Variants in USP35 observed in about 807,000 individuals in gnomAD.
The protein encoded by USP35 is ubiquitin specific peptidase 35.
Under a neutral mutation model 83.8 loss-of-function variants are expected in USP35, and 69 were observed. The ratio of observed to expected loss-of-function variants is 0.82; its 90% CI spans 0.68 to 1.01. The LOEUF is 1.01. Ranked by LOEUF, USP35 falls within the 50% of genes least tolerant of loss-of-function variation. USP35 has a pLI of 0.00. For synonymous variants in USP35, 714 were observed against 589.5 expected (o/e 1.21, Z -3.06); for missense variants, 1,503 against 1,362.5 (o/e 1.10, Z -1.62).
At chr11:78,219,498 T>C (rs1864311418), downstream of USP35, 1 of 1,294,448 alleles carries the variant, frequency 7.7e-7, no homozygotes, top group Non-Finnish European at 1.1e-6. Context: ...GGGATCTTCC[T>C]GAGCTGTCTG....
chr11:78,213,569 G>A, intron 10 of USP35, 77 bp from the exon 11 acceptor site: 3 of 1,400,784 alleles, frequency 2.1e-6, no homozygotes, highest in African/African-American at 1.5e-5. Context: ...ACATTGAAAG[G>A]TGTTGTGCTG....
chr11:78,234,138 T>G, the USP35 span, among the ~76,000 whole-genome samples: 1 of 152,196 alleles, frequency 6.6e-6, no homozygotes, highest in Non-Finnish European at 1.5e-5. Context: ...TGGAGTGCAA[T>G]GGAATGATCT....
At chr11:78,205,158 G>A (rs1863492386) in intron 6 of USP35, among the ~76,000 whole-genome samples, 2 of 152,230 alleles carry the variant, frequency 1.3e-5, no homozygotes, top group Admixed American at 1.3e-4. Flanking sequence ...CAGATAATGA[G>A]TGGGAAGCAT....
rs1263038347 is a variant in USP35 at position 78,208,887 on chromosome 11, T to C, written c.1516T>C (p.Ser506Pro). 1 of 1,614,178 alleles carries C rather than the reference T, an allele frequency of 6.2e-7. No individual in the cohort carries two copies. The highest frequency in any genetic ancestry group is 1.3e-5 in the African/African-American group (1 of 75,032). ...TGCCATTTCCCCAGAGAACTTCCTC[T>C]CCGCATCCTGGACGCCCTGGTTCAG... ...RPAISPENFL[S>P]ASWTPWFSPG... is the part of the protein sequence containing the mutation. Residue 506 changes from serine to proline, a missense_variant, in exon 9 of 11, where the codon TCC (serine) becomes CCC (proline). Coordinates refer to ENST00000529308, the MANE Select transcript of USP35 (RefSeq NM_020798.4).
chr11:78,207,281 G>A, intron 7 of USP35: 1 of 433,350 alleles, frequency 2.3e-6, no homozygotes. Context: ...GCTGGAAGGG[G>A]CTACAAGGGT....
At chr11:78,227,004 C>T in the USP35 span, 2 of 1,613,292 alleles carry the variant, frequency 1.2e-6, no homozygotes, top group African/African-American at 2.7e-5. Flanking sequence ...AGCTGTGTCA[C>T]TCCTCATGAG....
the USP35 span, among the ~76,000 whole-genome samples, chr11:78,231,336 GGTGTGTGTGT>G: frequency 2.7e-5 from 4 of 145,898 alleles, no homozygotes; most frequent in Non-Finnish European, 4.5e-5. Flanking sequence ...GCGCGTGTGT[GGTGTGTGTGT>G]GTGTGTGTGT....
At chr11:78,235,499 T>C in the USP35 span, among the ~76,000 whole-genome samples, 2 of 152,248 alleles carry the variant, frequency 1.3e-5, no homozygotes, top group South Asian at 4.1e-4. Context: ...TTTCCGAACA[T>C]TTATGCTCTG....
At chr11:78,225,957 G>GTAAA in the USP35 span, among the ~76,000 whole-genome samples, 1 of 152,192 alleles carries the variant, frequency 6.6e-6, no homozygotes, top group African/African-American at 2.4e-5. Flanking sequence ...ACTCTCAGTG[G>GTAAA]AAAACAAGTA....
At position 78,213,975 on chromosome 11, in the gene USP35, T is replaced by TAAGA. The variant is rs1383727603; in HGVS notation, c.*163_*166dup. The TAAGA allele has an allele frequency of 3.1e-5, 23 of 738,378 alleles. No homozygotes were observed. The highest frequency in any genetic ancestry group is 4.0e-4 in the Middle Eastern group (1 of 2,526). 45.7% of individuals were successfully genotyped at this position (738,378 alleles called of 1,614,324 possible). On this transcript the variant is annotated 3_prime_UTR_variant, in exon 11 of 11. Transcript: ENST00000529308. ...ACAGAGATTCTCTCAGATATGGAAG[T>TAAGA]AAGACCTAAGTCCCTTTCATTGGGG...
Position 78,196,194 on chromosome 11 carries a change from C to T in USP35, c.-10-42C>T, listed in dbSNP as rs879578710. 1.7e-4 allele frequency: 260 copies of T among 1,536,568 alleles called. No homozygotes were observed. Among genetic ancestry groups the T allele is most frequent in the Admixed American group, 2.6e-4 (13 of 50,514 alleles). ...GGACTGCACCGGGAACTCTTGAGCC[C>T]CGCGGTTGTCGGGCTGTGACCTCAT... On this transcript the variant is annotated intron_variant, in intron 1 of 10. Transcript: ENST00000529308. The surrounding 1 kb of genome is among the most constrained non-coding windows in gnomAD (Gnocchi z 4.8).
At position 78,196,416 on chromosome 11, in the gene USP35, G is replaced by A; in HGVS notation, c.171G>A (p.Pro57=). Residue 57 remains proline (P), a synonymous_variant, in exon 2 of 11, where the codon CCG becomes CCA. Coordinates refer to ENST00000529308, the MANE Select transcript of USP35 (RefSeq NM_020798.4). The surrounding 1 kb of genome is among the most constrained non-coding windows in gnomAD (Gnocchi z 4.8). ...RLYVGGAEEL[P]RRVGCQLLHV... ...ACGTGGGCGGCGCGGAGGAGCTGCC[G>A]CGCCGCGTGGGCTGCCAGCTGCTGC... The A allele has an allele frequency of 7.7e-7, 1 of 1,300,622 alleles. No individual in the cohort carries two copies. The highest frequency in any genetic ancestry group is 9.7e-7 in the Non-Finnish European group (1 of 1,028,114). 80.6% of individuals were successfully genotyped at this position (1,300,622 alleles called of 1,614,324 possible).
the USP35 span, among the ~76,000 whole-genome samples, chr11:78,225,837 G>C: frequency 6.6e-6 from 1 of 152,180 alleles, no homozygotes; most frequent in Non-Finnish European, 1.5e-5. Flanking sequence ...TTAAACAACA[G>C]GATGGACAAG....
chr11:78,204,339 C>T (rs1863469203), intron 6 of USP35, among the ~76,000 whole-genome samples: 1 of 152,168 alleles, frequency 6.6e-6, no homozygotes. Flanking sequence ...TGAGTACATC[C>T]TTTTGTACAT....
In USP35 at chr11:78,210,377, G is replaced by C. The variant is rs533391761; in HGVS notation, c.2522G>C (p.Arg841Pro). The change falls in exon 10 of 11, where the codon CGT (arginine) becomes CCT (proline). Residue 841 changes from arginine to proline, a missense_variant. Physicochemically the swap from Arg to Pro is moderately radical, Grantham distance 103. Coordinates refer to ENST00000529308, the MANE Select transcript of USP35 (RefSeq NM_020798.4). ...LLLRLPLAGG[R>P]GQAYDLCSVV... ...CTCCGCCTGCCACTGGCTGGTGGCC[G>C]TGGCCAGGCCTATGACCTCTGCAGT... The C allele has an allele frequency of 4.3e-6, 7 of 1,613,376 alleles. No homozygotes were observed. Among genetic ancestry groups the C allele is most frequent in the African/African-American group, 1.3e-5 (1 of 74,956 alleles).
chr11:78,228,314 A>G, the USP35 span, among the ~76,000 whole-genome samples: 2 of 152,238 alleles, frequency 1.3e-5, no homozygotes, highest in African/African-American at 2.4e-5. Flanking sequence ...ATGATTCTTC[A>G]TAGGATTTCA....
At chr11:78,198,805 C>T (rs1189948011) in intron 3 of USP35, 18 of 634,300 alleles carry the variant, frequency 2.8e-5, no homozygotes, top group Non-Finnish European at 3.5e-5. Context: ...GTTTGAGTTT[C>T]CTCAACTGTA....
chr11:78,213,632 A>C lies in USP35; in HGVS notation c.2890-14A>C. On this transcript the variant is annotated splice_polypyrimidine_tract_variant and intron_variant, in intron 10 of 10. Coordinates refer to ENST00000529308, the MANE Select transcript of USP35 (RefSeq NM_020798.4). ...GAATTCTAAGTCTAAGTCTCCTCTC[A>C]TCTGTGTTCCCAGGAGCAGGAGAAG... 6.8e-7 allele frequency: 1 copy of C among 1,472,298 alleles called. No individual in the cohort carries two copies. Among genetic ancestry groups the C allele is most frequent in the Non-Finnish European group, 9.0e-7 (1 of 1,116,880 alleles). The allele number at this position is 1,472,298 out of a possible 1,614,324, so 91.2% of individuals were successfully genotyped here.
chr11:78,223,780 G>A, the USP35 span: 1 of 978,014 alleles, frequency 1.0e-6, no homozygotes, highest in Non-Finnish European at 1.5e-6. Flanking sequence ...GACTGGGTTA[G>A]CTATACTTTG....
Sources: gnomAD v4.1 joint callset for allele counts (sites outside exome capture counted in the v4.1 genomes callset) on GRCh38, gnomAD v4.1.1 for gene constraint, Gnocchi (gnomAD v3.1) non-coding constraint, MANE v1.5 for transcripts, NCBI Gene and HGNC (gene_info 2026-07-23, HGNC 2026-07-21) for gene names.